PRKCA: variants seen among roughly 807,000 people sequenced by gnomAD.
The protein encoded by PRKCA is protein kinase C alpha.
A neutral mutation model predicts 87.0 loss-of-function variants in PRKCA; 27 were observed. The observed-to-expected ratio is 0.31, with a 90% confidence interval of 0.23 to 0.43. The LOEUF is 0.43. Ranked by LOEUF, PRKCA falls within the 20% of genes least tolerant of loss-of-function variation. PRKCA has a pLI of 1.00. For missense variants in PRKCA, 518 were observed against 852.3 expected (o/e 0.61, Z 4.88); for synonymous variants, 329 against 311.1 (o/e 1.06, Z -0.61).
intron 2 of PRKCA, among the ~76,000 whole-genome samples, chr17:66,389,022 G>T (rs1275052861): frequency 1.3e-5 from 2 of 152,300 alleles, no homozygotes; most frequent in South Asian, 4.1e-4. Flanking sequence ...ATGGTGAAAG[G>T]TTCATTTCAA....
At chr17:66,686,107 G>T (rs1972619599) in intron 5 of PRKCA, among the ~76,000 whole-genome samples, 1 of 152,220 alleles carries the variant, frequency 6.6e-6, no homozygotes, top group South Asian at 2.1e-4. Context: ...AGGCATTTGA[G>T]ATAGGAGACT....
rs1229655263 is a variant in PRKCA at position 66,806,211 on chromosome 17, C to T, written c.*2174C>T. On this transcript the variant is annotated 3_prime_UTR_variant, in exon 17 of 17. Coordinates refer to ENST00000413366, the MANE Select transcript of PRKCA (RefSeq NM_002737.3). ...CCCAGAAGCATCTCCCAGCTAAGCT[C>T]GCATTATTTTTCTCCTCTGGCTGTT... The T allele has an allele frequency of 2.0e-5, 3 of 152,260 alleles. No homozygotes were observed. Among genetic ancestry groups the T allele is most frequent in the Non-Finnish European group, 2.9e-5 (2 of 68,094 alleles). 9.4% of individuals were successfully genotyped at this position (152,260 alleles called of 1,614,324 possible). A position where few individuals can be genotyped will look rare whatever the true frequency, so the allele number is the denominator to read the frequency against.
rs542098559 is a variant in PRKCA at position 66,730,867 on chromosome 17, G to C, written c.919-1821G>C. ...GTACTTGTGGGATGAAGGCATGGTG[G>C]TGCTCCAAGAGGGACGACGGATGAT... On this transcript the variant is annotated intron_variant, in intron 8 of 16. Coordinates refer to ENST00000413366, the MANE Select transcript of PRKCA (RefSeq NM_002737.3). Among the ~76,000 whole-genome samples, 8 of 152,320 alleles carry C rather than the reference G, an allele frequency of 5.3e-5. No homozygotes were observed. The South Asian group carries it at 1.7e-3, about 32-fold the overall frequency.
chr17:66,485,653 G>A (rs1027315695), intron 2 of PRKCA, among the ~76,000 whole-genome samples: 38 of 152,092 alleles, frequency 2.5e-4, no homozygotes, highest in African/African-American at 9.2e-4. Flanking sequence ...AGAGATTGCA[G>A]TCTCAGATGT....
chr17:66,405,713 T>G (rs1911331492), intron 2 of PRKCA, among the ~76,000 whole-genome samples: 2 of 152,226 alleles, frequency 1.3e-5, no homozygotes, highest in Admixed American at 1.3e-4. Flanking sequence ...CCTATTCCTT[T>G]ACACGTAAAA....
At chr17:66,607,287 CTCT>C (rs1413101346) in intron 3 of PRKCA, among the ~76,000 whole-genome samples, 1 of 152,116 alleles carries the variant, frequency 6.6e-6, no homozygotes, top group Non-Finnish European at 1.5e-5. Context: ...TTGAATGATT[CTCT>C]TTCTTTCCCA....
chr17:66,322,129 T>C (rs1905706080), intron 2 of PRKCA, among the ~76,000 whole-genome samples: 1 of 152,232 alleles, frequency 6.6e-6, no homozygotes, highest in South Asian at 2.1e-4. Context: ...GGCAGTAATC[T>C]CATTTACAAG....
chr17:66,431,889 C>G (rs747442483), intron 2 of PRKCA, among the ~76,000 whole-genome samples: 25 of 152,178 alleles, frequency 1.6e-4, no homozygotes, highest in Non-Finnish European at 3.7e-4. Context: ...CTGGGTAAAC[C>G]TGAGGACCCG....
At chr17:66,486,316 T>A (rs988495747) in intron 2 of PRKCA, among the ~76,000 whole-genome samples, 3 of 152,174 alleles carry the variant, frequency 2.0e-5, no homozygotes, top group African/African-American at 7.2e-5. Flanking sequence ...TAGTTCTGAG[T>A]TGAATATGGG....
chr17:66,317,281 G>A (rs367666156), intron 2 of PRKCA, among the ~76,000 whole-genome samples: 18 of 152,214 alleles, frequency 1.2e-4, no homozygotes, highest in Non-Finnish European at 2.2e-4. Context: ...TGTTTTCACC[G>A]TGGTCAGAAA....
At chr17:66,535,349 C>T (rs1967738771) in intron 3 of PRKCA, among the ~76,000 whole-genome samples, 1 of 152,164 alleles carries the variant, frequency 6.6e-6, no homozygotes, top group South Asian at 2.1e-4. Context: ...ATCTGTGTGT[C>T]CATCAGGTTA....
intron 5 of PRKCA, among the ~76,000 whole-genome samples, chr17:66,666,835 C>A (rs144752348): frequency 1.3e-5 from 2 of 152,062 alleles, no homozygotes; most frequent in African/African-American, 4.8e-5. Context: ...GAATCCCCCC[C>A]CCACACACAA....
intron 8 of PRKCA, among the ~76,000 whole-genome samples, chr17:66,732,140 A>G (rs1198352938): frequency 6.6e-6 from 1 of 151,638 alleles, no homozygotes; most frequent in African/African-American, 2.4e-5. Flanking sequence ...AAAAAAAAAA[A>G]AACAACCCAA....
intron 5 of PRKCA, among the ~76,000 whole-genome samples, chr17:66,649,564 G>A (rs983145283): frequency 6.6e-6 from 1 of 152,218 alleles, no homozygotes; most frequent in African/African-American, 2.4e-5. Flanking sequence ...TGTAGTTGGG[G>A]CCGCAGCCCG....
chr17:66,311,436 C>T (rs949048378), intron 2 of PRKCA, among the ~76,000 whole-genome samples: 11 of 151,996 alleles, frequency 7.2e-5, no homozygotes, highest in Non-Finnish European at 1.5e-4. Context: ...GGCAACATGG[C>T]AAAACCCCAT....
At chr17:66,703,694 C>G (rs1312092179) in intron 8 of PRKCA, 1 of 151,838 alleles carries the variant, frequency 6.6e-6, no homozygotes, top group Non-Finnish European at 1.5e-5. Context: ...ACTTGGGAGG[C>G]TGAGGCAGTA....
rs1976106872 is a variant in PRKCA, at chr17:66,809,046, G to A, written c.*5009G>A. ...TAAAGTCATTTTCCTTAAGCTGCTT[G>A]GGCTACATGTGAAATACACTGGACG... On this transcript the variant is annotated 3_prime_UTR_variant, in exon 17 of 17. Coordinates refer to ENST00000413366, the MANE Select transcript of PRKCA (RefSeq NM_002737.3). The A allele has an allele frequency of 6.6e-6, 1 of 152,150 alleles. No individual in the cohort carries two copies. Among genetic ancestry groups the A allele is most frequent in the African/African-American group, 2.4e-5 (1 of 41,416 alleles). 9.4% of individuals were successfully genotyped at this position (152,150 alleles called of 1,614,324 possible).
chr17:66,701,554 C>T (rs1480228959), intron 8 of PRKCA, among the ~76,000 whole-genome samples: 1 of 151,966 alleles, frequency 6.6e-6, no homozygotes, highest in African/African-American at 2.4e-5. Context: ...AACTGTATAT[C>T]CAATAAGGGT....
intron 16 of PRKCA, among the ~76,000 whole-genome samples, chr17:66,789,420 G>C (rs1371383849): frequency 6.6e-6 from 1 of 152,228 alleles, no homozygotes; most frequent in Non-Finnish European, 1.5e-5. Context: ...CCCCGTCCTA[G>C]CCAGCAACTA....
Sources: gnomAD v4.1 joint callset for allele counts (sites outside exome capture counted in the v4.1 genomes callset) on GRCh38, gnomAD v4.1.1 for gene constraint, MANE v1.5 for transcripts, NCBI Gene and HGNC (gene_info 2026-07-23, HGNC 2026-07-21) for gene names.